SHROOM3: variants seen among roughly 807,000 people sequenced by gnomAD.
SHROOM3 encodes the protein shroom family member 3.
Under a neutral mutation model 138.6 loss-of-function variants are expected in SHROOM3, and 47 were observed. The observed-to-expected ratio is 0.34, with a 90% CI of 0.27 to 0.43. SHROOM3 has a LOEUF of 0.43. Among genes scored for constraint, SHROOM3 ranks in the 20% least tolerant of loss-of-function variants. SHROOM3 has a pLI of 1.00. For synonymous variants in SHROOM3, 1,062 were observed against 1,063.3 expected (o/e 1.00, Z 0.02); for missense variants, 2,491 against 2,596.5 (o/e 0.96, Z 0.88).
At chr4:76,577,293 A>G (rs1222517870) in intron 2 of SHROOM3, among the ~76,000 whole-genome samples, 1 of 152,160 alleles carries the variant, frequency 6.6e-6, no homozygotes, top group Non-Finnish European at 1.5e-5. Flanking sequence ...GGGCAAATCA[A>G]ATTTCCCCAT....
At position 76,739,365 on chromosome 4, in the gene SHROOM3, C is replaced by T. The variant is rs754893564; in HGVS notation, c.1192C>T (p.Arg398Cys). The change falls in exon 5 of 11, where the codon CGT becomes TGT. Residue 398 changes from arginine to cysteine, a missense_variant. Physicochemically the swap from Arg to Cys is radical, Grantham distance 180 (BLOSUM62 -3). Coordinates refer to ENST00000296043, the MANE Select transcript of SHROOM3 (RefSeq NM_020859.4). ...TGACAGTTACGCAGCATTTCGGCAC[C>T]GTGAGCGGCCCAGCTCCTGGTCTAG... ...RSDSYAAFRH[R>C]ERPSSWSSLD... is the part of the protein sequence containing the mutation. 1.5e-5 allele frequency: 24 copies of T among 1,613,970 alleles called. No individual in the cohort carries two copies. The East Asian group carries it at 1.8e-4, about 12-fold the overall frequency.
intron 1 of SHROOM3, among the ~76,000 whole-genome samples, chr4:76,502,124 T>C (rs921791483): frequency 1.3e-5 from 2 of 152,162 alleles, no homozygotes; most frequent in African/African-American, 4.8e-5. Flanking sequence ...CTCAGCTCTC[T>C]GGCATGTGAT....
At chr4:76,566,279 C>G (rs184102154) in intron 2 of SHROOM3, among the ~76,000 whole-genome samples, 1 of 151,794 alleles carries the variant, frequency 6.6e-6, no homozygotes, top group Non-Finnish European at 1.5e-5. Flanking sequence ...TTAAAGTATA[C>G]AGGAGGAAGT....
chr4:76,782,514 G>C lies in SHROOM3; in HGVS notation c.*3337G>C, dbSNP rs1356204719. 1 of 152,176 alleles carries C rather than the reference G, an allele frequency of 6.6e-6. No individual in the cohort carries two copies. The highest frequency in any genetic ancestry group is 1.9e-4 in the East Asian group (1 of 5,200). The allele number at this position is 152,176 out of a possible 1,614,324, so 9.4% of individuals were successfully genotyped here. On this transcript the variant is annotated 3_prime_UTR_variant, in exon 11 of 11. Transcript: ENST00000296043. Reference sequence around the variant, plus strand: ...TGCTTTAAGCTCTACCTTTAAACTTGTATGTTATTCAGGCATCTCTTATTA... The same window carrying C: ...TGCTTTAAGCTCTACCTTTAAACTTCTATGTTATTCAGGCATCTCTTATTA...
At chr4:76,543,317 G>A (rs1410965068) in intron 1 of SHROOM3, among the ~76,000 whole-genome samples, 1 of 152,172 alleles carries the variant, frequency 6.6e-6, no homozygotes, top group Non-Finnish European at 1.5e-5. Flanking sequence ...GAGGCTGAGG[G>A]TGGTAGAGGA....
intron 2 of SHROOM3, among the ~76,000 whole-genome samples, chr4:76,693,382 T>TTTTTG (rs1195093876): frequency 1.4e-5 from 2 of 141,400 alleles, no homozygotes; most frequent in Admixed American, 7.0e-5. Flanking sequence ...TTTTTTTTTT[T>TTTTTG]TTTTTTTTTT....
intron 2 of SHROOM3, among the ~76,000 whole-genome samples, chr4:76,563,741 G>A (rs980158965): frequency 6.6e-6 from 1 of 152,182 alleles, no homozygotes; most frequent in African/African-American, 2.4e-5. Context: ...ATAGGCAATT[G>A]CAAAACTGGT....
intron 2 of SHROOM3, among the ~76,000 whole-genome samples, chr4:76,621,702 G>T (rs1184165385): frequency 6.6e-6 from 1 of 152,184 alleles, no homozygotes. Context: ...GTTAACATCT[G>T]AACTAATATG....
At chr4:76,494,128 A>G (rs1466059858) in intron 1 of SHROOM3, among the ~76,000 whole-genome samples, 2 of 149,096 alleles carry the variant, frequency 1.3e-5, no homozygotes, top group African/African-American at 4.9e-5. Context: ...CCCTAATTCA[A>G]TTAATATCTG....
chr4:76,498,797 C>T (rs1391599862), intron 1 of SHROOM3, among the ~76,000 whole-genome samples: 1 of 152,054 alleles, frequency 6.6e-6, no homozygotes, highest in Non-Finnish European at 1.5e-5. Context: ...GGCTCTTTTC[C>T]TTTGTGTTCT....
chr4:76,654,680 C>T (rs185721853), intron 2 of SHROOM3, among the ~76,000 whole-genome samples: 1 of 152,166 alleles, frequency 6.6e-6, no homozygotes, highest in African/African-American at 2.4e-5. Flanking sequence ...GGAGATAAAA[C>T]AGTATGATTT....
At chr4:76,743,419 A>G (rs1308483091) in intron 5 of SHROOM3, among the ~76,000 whole-genome samples, 1 of 152,208 alleles carries the variant, frequency 6.6e-6, no homozygotes, top group African/African-American at 2.4e-5. Context: ...CATCATGGAA[A>G]TCAGTTCCTC....
chr4:76,565,160 C>CAAAAAAAAAAAAAA (rs1166896258), intron 2 of SHROOM3, among the ~76,000 whole-genome samples: 1 of 135,938 alleles, frequency 7.4e-6, no homozygotes, highest in African/African-American at 2.8e-5. Flanking sequence ...GACTCCATTT[C>CAAAAAAAAAAAAAA]AAAAAAAAAA....
chr4:76,749,418 G>A (rs1721552028), intron 6 of SHROOM3, among the ~76,000 whole-genome samples: 1 of 152,152 alleles, frequency 6.6e-6, no homozygotes, highest in Non-Finnish European at 1.5e-5. Context: ...TTCAAAATAG[G>A]TTTTGAACAT....
intron 1 of SHROOM3, among the ~76,000 whole-genome samples, chr4:76,526,370 GA>G (rs914693923): frequency 1.3e-5 from 2 of 151,816 alleles, no homozygotes; most frequent in African/African-American, 4.8e-5. Flanking sequence ...CATCTCAAAA[GA>G]AAAAAATAAA....
At chr4:76,689,702 G>A (rs1719459406) in intron 2 of SHROOM3, 2 of 985,434 alleles carry the variant, frequency 2.0e-6, no homozygotes, top group South Asian at 4.7e-5. Context: ...GAGCGGCGAT[G>A]GTGAGTGAGG....
intron 2 of SHROOM3, among the ~76,000 whole-genome samples, chr4:76,557,075 C>A (rs1733499349): frequency 6.6e-6 from 1 of 152,106 alleles, no homozygotes; most frequent in Non-Finnish European, 1.5e-5. Context: ...TGAGCTTGGC[C>A]AAATTACTTA....
chr4:76,602,211 A>G (rs1193464512), intron 2 of SHROOM3, among the ~76,000 whole-genome samples: 1 of 152,168 alleles, frequency 6.6e-6, no homozygotes, highest in East Asian at 1.9e-4. Flanking sequence ...AATACTTACC[A>G]TCCCAATCCC....
chr4:76,594,787 A>G (rs1734347152), intron 2 of SHROOM3, among the ~76,000 whole-genome samples: 1 of 152,244 alleles, frequency 6.6e-6, no homozygotes, highest in Non-Finnish European at 1.5e-5. Flanking sequence ...ACAAATGGAC[A>G]TTGAGACTCA....
Sources: allele counts gnomAD v4.1 joint callset (sites outside exome capture counted in the v4.1 genomes callset), GRCh38; gene constraint gnomAD v4.1.1; transcripts MANE v1.5; gene names NCBI Gene and HGNC (gene_info 2026-07-23, HGNC 2026-07-21).